HEATR5B: variants seen among roughly 807,000 people sequenced by gnomAD.
The protein encoded by HEATR5B is HEAT repeat-containing protein 5B.
A neutral mutation model predicts 224.1 loss-of-function variants in HEATR5B; 156 were observed. The observed-to-expected ratio is 0.70, with a 90% confidence interval of 0.61 to 0.80. The LOEUF is 0.80. Ranked by LOEUF, HEATR5B falls within the 30% of genes least tolerant of loss-of-function variation. HEATR5B has a pLI of 0.00. For synonymous variants in HEATR5B, 1,027 were observed against 893.0 expected (o/e 1.15, Z -2.68); for missense variants, 2,323 against 2,535.5 (o/e 0.92, Z 1.80).
chr2:36,993,827 G>C (rs1355472375), intron 33 of HEATR5B, among the ~76,000 whole-genome samples: 1 of 127,314 alleles, frequency 7.9e-6, no homozygotes, highest in South Asian at 2.4e-4. Context: ...TAACCTGAGA[G>C]GAAAAAAAAA....
At chr2:37,066,215 C>G (rs911405428) in intron 8 of HEATR5B, among the ~76,000 whole-genome samples, 1 of 152,186 alleles carries the variant, frequency 6.6e-6, no homozygotes, top group Admixed American at 6.5e-5. Flanking sequence ...AAAGAAGACT[C>G]GGGTTCAAAT....
Position 37,028,035 on chromosome 2 carries a change from AG to A in HEATR5B, c.3740del (p.Thr1247IlefsTer91). 1 of 1,614,132 alleles carries A rather than the reference AG, an allele frequency of 6.2e-7. No individual in the cohort carries two copies. The highest frequency in any genetic ancestry group is 1.1e-5 in the South Asian group (1 of 91,082). Reference sequence around the variant, plus strand: ...ACAGGCAATCGGCAGCAAATACTCGAGTGGCCCAGCGAGGGGCCACAAAGGG... The same window carrying A: ...ACAGGCAATCGGCAGCAAATACTCGATGGCCCAGCGAGGGGCCACAAAGGG... Reference protein sequence around the residue: ...SKPFVAPRWATRVFAADCLCR... With the variant: ...SKPFVAPRWAXRVFAADCLCR... On this transcript the variant is annotated frameshift_variant, in exon 24 of 36. Transcript: ENST00000233099. LOFTEE classifies it high-confidence loss of function.
intron 19 of HEATR5B, 151 bp downstream of exon 19, chr2:37,040,982 G>A (rs1038264935): frequency 1.1e-5 from 7 of 611,918 alleles, no homozygotes; most frequent in Non-Finnish European, 1.7e-5. Flanking sequence ...AGACTAGGCT[G>A]ATAAACAAAA....
Position 37,019,842 on chromosome 2 carries a change from A to G in HEATR5B, c.4071T>C (p.Asp1357=), listed in dbSNP as rs747331910. The G allele has an allele frequency of 4.3e-5, 70 of 1,610,800 alleles. No individual in the cohort carries two copies. The highest frequency in any genetic ancestry group is 5.9e-5 in the Non-Finnish European group (69 of 1,178,566). ...GAALRPAFSQ[D]TPSDIIAKAC... ...CTTTCGCTATTATATCTGATGGTGT[A>G]TCTTGTGAAAAGGCTGGTCTTAGAG... Residue 1357 remains aspartate (D), a synonymous_variant, in exon 26 of 36, where the codon GAT becomes GAC. Coordinates refer to ENST00000233099, the MANE Select transcript of HEATR5B (RefSeq NM_019024.3).
Position 37,079,204 on chromosome 2 carries a change from G to T in HEATR5B, c.254C>A (p.Thr85Asn). Residue 85 changes from threonine to asparagine, a missense_variant, in exon 3 of 36, where the codon ACT (threonine) becomes AAT (asparagine). Physicochemically the swap from Thr to Asn is moderately conservative, Grantham distance 65 (BLOSUM62 0). Coordinates refer to ENST00000233099, the MANE Select transcript of HEATR5B (RefSeq NM_019024.3). ...ATCAAGTGTCTGAAAAACTGTGAAA[G>T]TATCCCCAATGCTATAAAGGGCTGC... ...NLAALYSIGD[T>N]FTVFQTLDKC... 6.2e-7 allele frequency: 1 copy of T among 1,607,714 alleles called. No individual in the cohort carries two copies. Among genetic ancestry groups the T allele is most frequent in the East Asian group, 2.2e-5 (1 of 44,814 alleles).
intron 12 of HEATR5B, among the ~76,000 whole-genome samples, chr2:37,059,539 C>T (rs1671147549): frequency 7.0e-6 from 1 of 143,796 alleles, no homozygotes; most frequent in African/African-American, 2.6e-5. Context: ...TCTCGGCTCA[C>T]TGCAACCTCC....
intron 24 of HEATR5B, among the ~76,000 whole-genome samples, chr2:37,027,499 T>C (rs1451501422): frequency 1.3e-5 from 2 of 152,254 alleles, no homozygotes; most frequent in East Asian, 3.8e-4. Flanking sequence ...ATTTGAGAGT[T>C]TGAAATCTAC....
chr2:37,039,263 G>A (rs1243606073), intron 20 of HEATR5B, among the ~76,000 whole-genome samples: 13 of 151,810 alleles, frequency 8.6e-5, no homozygotes, highest in Non-Finnish European at 1.6e-4. Flanking sequence ...TCAGGAGTTC[G>A]AGACCAGCCT....
intron 10 of HEATR5B, among the ~76,000 whole-genome samples, chr2:37,062,678 T>G (rs1322935600): frequency 6.6e-6 from 1 of 152,244 alleles, no homozygotes; most frequent in East Asian, 1.9e-4. Context: ...AAGGATAAAA[T>G]AAGTTAATAC....
At chr2:37,015,440 C>T (rs371264760) in intron 26 of HEATR5B, among the ~76,000 whole-genome samples, 1 of 151,938 alleles carries the variant, frequency 6.6e-6, no homozygotes, top group African/African-American at 2.4e-5. Context: ...TGATACGGAT[C>T]AAACTGGGAA....
At chr2:37,006,494 A>G (rs1289482770) in intron 29 of HEATR5B, among the ~76,000 whole-genome samples, 3 of 152,124 alleles carry the variant, frequency 2.0e-5, no homozygotes, top group Admixed American at 2.0e-4. Flanking sequence ...ATACAAAATT[A>G]CCCGGGCGTG....
Position 37,040,626 on chromosome 2 carries a change from C to T in HEATR5B, c.2857-108G>A, listed in dbSNP as rs57828001. The T allele has an allele frequency of 6.5e-4, 474 of 727,626 alleles. 1 individual carries two copies. In the African/African-American group the frequency reaches 8.4e-3, roughly 13 times the overall value. 45.1% of individuals were successfully genotyped at this position (727,626 alleles called of 1,614,324 possible). On this transcript the variant is annotated intron_variant, in intron 19 of 35. Transcript: ENST00000233099. Reference sequence around the variant, plus strand: ...ATACTCTTAATATTTTTAGGCCTAACAATGTGAAGTAGCAAATCCAGATTG... The same window carrying T: ...ATACTCTTAATATTTTTAGGCCTAATAATGTGAAGTAGCAAATCCAGATTG...
rs1671949444 is a variant in HEATR5B, at chr2:37,072,233, G to C, written c.646C>G (p.Leu216Val). ...AAGCAGAGAGTGGCTATATTTTCTA[G>C]TTCAGCAGTCCACATAAATACAGCT... ...NEAVFMWTAE[L>V]ENIATLCFKA... Residue 216 changes from leucine to valine, a missense_variant, in exon 6 of 36, where the codon CTA becomes GTA. Leu to Val is a conservative substitution (Grantham distance 32, BLOSUM62 1). Transcript: ENST00000233099. The C allele has an allele frequency of 4.3e-6, 7 of 1,613,512 alleles. No individual in the cohort carries two copies. Among genetic ancestry groups the C allele is most frequent in the Non-Finnish European group, 5.9e-6 (7 of 1,179,694 alleles).
intron 28 of HEATR5B, 23 bp downstream of exon 28, chr2:37,008,588 A>G: frequency 1.3e-6 from 2 of 1,526,266 alleles, no homozygotes; most frequent in Non-Finnish European, 1.8e-6. Context: ...CCATAAAAGT[A>G]AAACTCAGAA....
chr2:37,078,356 A>G (rs1273054197), intron 3 of HEATR5B, among the ~76,000 whole-genome samples: 1 of 152,204 alleles, frequency 6.6e-6, no homozygotes, highest in Non-Finnish European at 1.5e-5. Flanking sequence ...GACTGGCATC[A>G]CATGCCGGCA....
intron 7 of HEATR5B, 32 bp from the exon 8 acceptor site, chr2:37,068,962 C>G: frequency 6.3e-7 from 1 of 1,595,922 alleles, no homozygotes; most frequent in Admixed American, 1.7e-5. Flanking sequence ...ACTTCAGATA[C>G]ACTTACATAA....
At chr2:37,000,259 T>A (rs1667003375) in intron 33 of HEATR5B, among the ~76,000 whole-genome samples, 1 of 151,966 alleles carries the variant, frequency 6.6e-6, no homozygotes, top group African/African-American at 2.4e-5. Flanking sequence ...GTATTTTTAG[T>A]AGAGATGGGG....
intron 5 of HEATR5B, among the ~76,000 whole-genome samples, chr2:37,074,843 T>A (rs1051662884): frequency 7.2e-5 from 11 of 152,190 alleles, no homozygotes; most frequent in African/African-American, 2.7e-4. Flanking sequence ...CACAATGAGA[T>A]ACCATTGAGA....
In HEATR5B at chr2:37,075,377, C is replaced by A. The variant is rs1672162114; in HGVS notation, c.597+108G>T. On this transcript the variant is annotated intron_variant, in intron 5 of 35. Coordinates refer to ENST00000233099, the MANE Select transcript of HEATR5B (RefSeq NM_019024.3). ...TATAATTCTAGAAAATGAAACTAAT[C>A]CATTGGAACACAAAACATAATTTAA... 4 of 763,012 alleles carry A rather than the reference C, an allele frequency of 5.2e-6. No homozygotes were observed. The East Asian group carries it at 8.0e-5, about 15-fold the overall frequency. 47.3% of individuals were successfully genotyped at this position (763,012 alleles called of 1,614,324 possible).
Sources: allele counts gnomAD v4.1 joint callset (sites outside exome capture counted in the v4.1 genomes callset), GRCh38; gene constraint gnomAD v4.1.1; transcripts MANE v1.5; gene names NCBI Gene and HGNC (gene_info 2026-07-23, HGNC 2026-07-21).